Variants in SLC13A1 observed in about 807,000 individuals in gnomAD.
SLC13A1 encodes the protein solute carrier family 13 member 1.
A neutral mutation model predicts 70.0 loss-of-function variants in SLC13A1; 65 were observed. The ratio of observed to expected loss-of-function variants is 0.93; its 90% CI spans 0.76 to 1.14. SLC13A1 has a LOEUF of 1.14. Ranked by LOEUF, SLC13A1 falls within the 50% of genes most tolerant of loss-of-function variation. The pLI, the probability that SLC13A1 is intolerant of heterozygous loss-of-function variation, is 0.00. For synonymous variants in SLC13A1, 275 were observed against 250.5 expected (o/e 1.10, Z -0.92); for missense variants, 726 against 717.8 (o/e 1.01, Z -0.13).
At chr7:123,140,275 G>T (rs1188882914) in intron 7 of SLC13A1, among the ~76,000 whole-genome samples, 1 of 151,970 alleles carries the variant, frequency 6.6e-6, no homozygotes, top group Admixed American at 6.6e-5. Flanking sequence ...GCAACCCAGG[G>T]ATAAATGCCA....
chr7:123,115,425 A>G lies in SLC13A1; in HGVS notation c.*93T>C. 4 of 1,284,642 alleles carry G rather than the reference A, an allele frequency of 3.1e-6. No individual in the cohort carries two copies. In the South Asian group the frequency reaches 5.5e-5, roughly 18 times the overall value. The allele number at this position is 1,284,642 out of a possible 1,614,324, so 79.6% of individuals were successfully genotyped here. ...AGCAGCTACACCATAACTGATTTAA[A>G]TGTGTGTCATTAGTTATTTAGAGCC... On this transcript the variant is annotated 3_prime_UTR_variant, in exon 15 of 15. Transcript: ENST00000194130.
At position 123,119,113 on chromosome 7, in the gene SLC13A1, T is replaced by G. The variant is rs370503664; in HGVS notation, c.1480A>C (p.Ile494Leu). The change falls in exon 13 of 15, where the codon ATT (isoleucine) becomes CTT (leucine). Residue 494 changes from isoleucine (I) to leucine (L), a missense_variant. Transcript: ENST00000194130. ...LTEVASNPAT[I>L]TLFLPILSPL... ...GATAATATTGGGAGAAAGAGTGTAA[T>G]GGTAGCTGGATTGCTGGCTACCTCA... The G allele has an allele frequency of 6.2e-7, 1 of 1,612,508 alleles. No homozygotes were observed. The highest frequency in any genetic ancestry group is 1.3e-5 in the African/African-American group (1 of 74,824).
At chr7:123,118,982 AG>A in intron 13 of SLC13A1, 98 bp downstream of exon 13, 1 of 1,084,842 alleles carries the variant, frequency 9.2e-7, no homozygotes, top group South Asian at 1.8e-5. Context: ...AGGCCCATTT[AG>A]ACCAAAAGAG....
In SLC13A1 at chr7:123,171,725, T is replaced by G. The variant is rs770708781; in HGVS notation, c.365+43A>C. 5 of 1,599,652 alleles carry G rather than the reference T, an allele frequency of 3.1e-6. No individual in the cohort carries two copies. In the Admixed American group the frequency reaches 8.6e-5, roughly 27 times the overall value. On this transcript the variant is annotated intron_variant, in intron 3 of 14. Coordinates refer to ENST00000194130, the MANE Select transcript of SLC13A1 (RefSeq NM_022444.4). ...GATTATTTGCTCTGCACAAAAATGG[T>G]CTGTTCAGCAGGTAAACTGGAAGCA...
intron 7 of SLC13A1, among the ~76,000 whole-genome samples, chr7:123,142,778 C>T (rs1301797599): frequency 2.0e-5 from 3 of 151,644 alleles, no homozygotes; most frequent in Admixed American, 1.3e-4. Flanking sequence ...CCACCATGCC[C>T]GGCTAATTTT....
chr7:123,128,719 A>T, intron 10 of SLC13A1, 126 bp downstream of exon 10: 1 of 655,458 alleles, frequency 1.5e-6, no homozygotes, highest in South Asian at 2.0e-5. Flanking sequence ...ATTAGAACTT[A>T]AAATATCTTT....
chr7:123,125,615 A>G lies in SLC13A1; in HGVS notation c.1194T>C (p.Leu398=). Residue 398 remains leucine (L), a synonymous_variant, in exon 11 of 15, where the codon CTT becomes CTC. Coordinates refer to ENST00000194130, the MANE Select transcript of SLC13A1 (RefSeq NM_022444.4). ...TTTTAGTCAGTGTCTTAGCTGGGAT[A>G]AGAAAGAATAGCAGCCCTATAAGTA... is the stretch of plus-strand genomic sequence containing the variant. ...VALLIGLLFF[L]IPAKTLTKTT... 1 of 1,613,354 alleles carries G rather than the reference A, an allele frequency of 6.2e-7. No individual in the cohort carries two copies.
Position 123,169,364 on chromosome 7 carries a change from C to T in SLC13A1, c.366-29G>A, listed in dbSNP as rs368258499. On this transcript the variant is annotated intron_variant, in intron 3 of 14. Transcript: ENST00000194130. Reference sequence around the variant, plus strand: ...AAACCAGAGAGCCATTATTGTGGAGCTGTGCTCTTAGCTTAACTAGCACCG... The same window carrying T: ...AAACCAGAGAGCCATTATTGTGGAGTTGTGCTCTTAGCTTAACTAGCACCG... 9.9e-5 allele frequency: 159 copies of T among 1,601,882 alleles called. No individual in the cohort carries two copies. In the Middle Eastern group the frequency reaches 1.5e-3, roughly 15 times the overall value.
chr7:123,127,433 T>C (rs1467089956), intron 10 of SLC13A1, among the ~76,000 whole-genome samples: 7 of 152,102 alleles, frequency 4.6e-5, no homozygotes, highest in Admixed American at 4.6e-4. Flanking sequence ...GCACTGGTGT[T>C]TAGATAAAGA....
chr7:123,155,849 C>T (rs921164490), intron 6 of SLC13A1, among the ~76,000 whole-genome samples: 7 of 152,018 alleles, frequency 4.6e-5, no homozygotes, highest in South Asian at 2.1e-4. Context: ...GGTAGAAGGC[C>T]GGGTTCTCCA....
At chr7:123,172,778 T>C (rs1043856061) in intron 2 of SLC13A1, among the ~76,000 whole-genome samples, 13 of 151,662 alleles carry the variant, frequency 8.6e-5, no homozygotes, top group Non-Finnish European at 1.6e-4. Flanking sequence ...TTGAAATACA[T>C]TTAGGTACAT....
At chr7:123,155,112 A>G (rs1222326201) in intron 6 of SLC13A1, among the ~76,000 whole-genome samples, 4 of 152,124 alleles carry the variant, frequency 2.6e-5, no homozygotes, top group Non-Finnish European at 5.9e-5. Context: ...TTTAAAACAG[A>G]CCTGCCCTGT....
intron 6 of SLC13A1, among the ~76,000 whole-genome samples, chr7:123,161,310 C>T (rs909242307): frequency 6.7e-6 from 1 of 150,194 alleles, no homozygotes; most frequent in African/African-American, 2.4e-5. Flanking sequence ...TTTAAAAGCA[C>T]AAGAAAAATG....
intron 1 of SLC13A1, among the ~76,000 whole-genome samples, chr7:123,191,060 G>T (rs1248769101): frequency 6.6e-6 from 1 of 151,908 alleles, no homozygotes; most frequent in Non-Finnish European, 1.5e-5. Context: ...ATTCTGAGTG[G>T]TAGCTTTATT....
intron 6 of SLC13A1, chr7:123,148,673 G>T (rs1317096963): frequency 3.5e-6 from 1 of 289,604 alleles, no homozygotes; most frequent in Non-Finnish European, 6.8e-6. Context: ...CTTCATTTCA[G>T]TAGTTAAACA....
At chr7:123,131,246 T>C (rs1793748677) in intron 8 of SLC13A1, among the ~76,000 whole-genome samples, 1 of 152,182 alleles carries the variant, frequency 6.6e-6, no homozygotes, top group East Asian at 1.9e-4. Flanking sequence ...AGTGCCAGTC[T>C]CAAACTTTTA....
rs766827214 is a variant in SLC13A1, at chr7:123,171,895, C to A, written c.238G>T (p.Ala80Ser). Residue 80 changes from alanine to serine, a missense_variant, in exon 3 of 15, where the codon GCT (alanine) becomes TCT (serine). Transcript: ENST00000194130. ...GIMPSKKVAS[A>S]YFKDFHLLLI... The stretch of plus-strand genomic sequence containing the variant: ...AGTAAGTGAAAATCCTTGAAATAAG[C>A]AGATGCCACCTGAAATAACAATTAA... The A allele has an allele frequency of 1.2e-6, 2 of 1,612,008 alleles. No individual in the cohort carries two copies. Among genetic ancestry groups the A allele is most frequent in the African/African-American group, 1.3e-5 (1 of 74,826 alleles).
At chr7:123,121,146 A>C (rs550760619) in intron 12 of SLC13A1, among the ~76,000 whole-genome samples, 2 of 152,138 alleles carry the variant, frequency 1.3e-5, no homozygotes, top group South Asian at 4.1e-4. Context: ...CATTGGCTCA[A>C]TTTTGCTACA....
intron 1 of SLC13A1, 32 bp from the exon 2 acceptor site, chr7:123,181,133 T>C (rs752498423): frequency 1.2e-6 from 2 of 1,601,942 alleles, no homozygotes; most frequent in Non-Finnish European, 8.5e-7. Flanking sequence ...CAAAAGGTGA[T>C]ATTATGAGGC....
Sources: allele counts gnomAD v4.1 joint callset (sites outside exome capture counted in the v4.1 genomes callset), GRCh38; gene constraint gnomAD v4.1.1; transcripts MANE v1.5; gene names NCBI Gene and HGNC (gene_info 2026-07-23, HGNC 2026-07-21).